DENND4C: variants seen among roughly 807,000 people sequenced by gnomAD.
The protein encoded by DENND4C is DENN domain-containing protein 4C.
Under a neutral mutation model 203.0 loss-of-function variants are expected in DENND4C, and 108 were observed. The ratio of observed to expected loss-of-function variants is 0.53; its 90% CI spans 0.46 to 0.62. DENND4C has a LOEUF of 0.62. Among genes scored for constraint, DENND4C ranks in the 20% least tolerant of loss-of-function variants. The pLI, the probability that DENND4C is intolerant of heterozygous loss-of-function variation, is 0.00. For synonymous variants in DENND4C, 871 were observed against 792.4 expected, an observed-to-expected ratio of 1.10 and a Z score of -1.67; for missense variants, 2,481 against 2,301.2, an observed-to-expected ratio of 1.08 and a Z score of -1.60.
rs540579002 is a variant in DENND4C at position 19,235,937 on chromosome 9, G to T, written c.-18+5104G>T. Reference sequence around the variant, plus strand: ...ATATATCTTTGTAATATTTTAATTTGTTTTTGTAATATTTAAAGGTTGTTC... The same window carrying T: ...ATATATCTTTGTAATATTTTAATTTTTTTTTGTAATATTTAAAGGTTGTTC... On this transcript the variant is annotated intron_variant, in intron 1 of 32. Coordinates refer to ENST00000434457, the MANE Select transcript of DENND4C (RefSeq NM_001330640.2). Among the ~76,000 whole-genome samples the T allele has an allele frequency of 4.6e-4, 69 of 151,142 alleles. 3 individuals carry two copies. In the South Asian group the frequency reaches 0.011, roughly 24 times the overall value.
chr9:19,311,257 G>A (rs1007366169), intron 10 of DENND4C, among the ~76,000 whole-genome samples: 4 of 152,038 alleles, frequency 2.6e-5, no homozygotes, highest in African/African-American at 9.7e-5. Flanking sequence ...CTGAGTAGCT[G>A]GGACCACAGG....
intron 2 of DENND4C, among the ~76,000 whole-genome samples, chr9:19,283,568 C>G (rs996089761): frequency 2.0e-5 from 3 of 150,314 alleles, no homozygotes; most frequent in African/African-American, 2.4e-5. Context: ...TTAAACAGGG[C>G]AGTATGTTAT....
Position 19,251,230 on chromosome 9 carries a change from A to G in DENND4C, c.-18+20397A>G, listed in dbSNP as rs150142170. ...ACTCACAGGCTTAACATCATGTGGAAGCTTCCAAGGCTTGGGGCTTGCACC... is the reference window on the plus strand; with the variant it reads ...ACTCACAGGCTTAACATCATGTGGAGGCTTCCAAGGCTTGGGGCTTGCACC... On this transcript the variant is annotated intron_variant, in intron 1 of 32. Coordinates refer to ENST00000434457, the MANE Select transcript of DENND4C (RefSeq NM_001330640.2). Among the ~76,000 whole-genome samples the G allele has an allele frequency of 2.6e-3, 392 of 152,380 alleles. 1 individual carries two copies. The highest frequency in any genetic ancestry group is 9.3e-3 in the African/African-American group (385 of 41,594).
chr9:19,296,236 C>T lies in DENND4C; in HGVS notation c.1030C>T (p.Pro344Ser). The stretch of plus-strand genomic sequence containing the variant: ...TTCTGTGTCTGGACCACATCCTCTT[C>T]CCATTGAAAAGTATGTATAATGATT... ...KLSVSGPHPLPIEKHISHFMQ... is the reference protein window; with the variant it reads ...KLSVSGPHPLSIEKHISHFMQ... Residue 344 changes from proline to serine, a missense_variant, in exon 6 of 33, where the codon CCC (proline) becomes TCC (serine). Coordinates refer to ENST00000434457, the MANE Select transcript of DENND4C (RefSeq NM_001330640.2). 6.2e-7 allele frequency: 1 copy of T among 1,601,360 alleles called. No individual in the cohort carries two copies. The highest frequency in any genetic ancestry group is 8.6e-7 in the Non-Finnish European group (1 of 1,169,216).
intron 13 of DENND4C, among the ~76,000 whole-genome samples, chr9:19,325,649 T>C (rs1817663117): frequency 6.6e-6 from 1 of 152,206 alleles, no homozygotes; most frequent in Non-Finnish European, 1.5e-5. Flanking sequence ...AGGGGCTTAA[T>C]AATAATGAAA....
intron 1 of DENND4C, among the ~76,000 whole-genome samples, chr9:19,248,171 T>G (rs1825729635): frequency 6.6e-6 from 1 of 152,182 alleles, no homozygotes; most frequent in Non-Finnish European, 1.5e-5. Flanking sequence ...AGACCTAGTC[T>G]TAGCCTAAAA....
intron 10 of DENND4C, among the ~76,000 whole-genome samples, chr9:19,307,968 TTAATC>T: frequency 6.6e-6 from 1 of 152,046 alleles, no homozygotes; most frequent in Middle Eastern, 3.4e-3. Context: ...TATATATATA[TTAATC>T]TAAATAAAAT....
chr9:19,312,751 T>A (rs1239206000), intron 10 of DENND4C, among the ~76,000 whole-genome samples: 1 of 152,186 alleles, frequency 6.6e-6, no homozygotes, highest in Admixed American at 6.6e-5. Context: ...TGAGGGACAC[T>A]CAAGTTCAAA....
intron 31 of DENND4C, among the ~76,000 whole-genome samples, chr9:19,370,746 A>G (rs1828677508): frequency 6.6e-6 from 1 of 152,224 alleles, no homozygotes; most frequent in South Asian, 2.1e-4. Context: ...ATTGTCTGCT[A>G]ATATGCTCAG....
At chr9:19,255,253 A>G (rs1311117600) in intron 1 of DENND4C, among the ~76,000 whole-genome samples, 3 of 151,908 alleles carry the variant, frequency 2.0e-5, no homozygotes, top group Non-Finnish European at 4.4e-5. Context: ...AAGTTAGAAA[A>G]AATTAGCTGG....
At chr9:19,322,781 T>C (rs943525125) in intron 12 of DENND4C, among the ~76,000 whole-genome samples, 1 of 149,720 alleles carries the variant, frequency 6.7e-6, no homozygotes, top group Non-Finnish European at 1.5e-5. Flanking sequence ...GAGATTTCCA[T>C]GAGCCTTCCC....
intron 5 of DENND4C, among the ~76,000 whole-genome samples, chr9:19,295,766 T>C (rs146448198): frequency 6.6e-6 from 1 of 152,244 alleles, no homozygotes; most frequent in East Asian, 1.9e-4. Flanking sequence ...TGTAAGAGGT[T>C]ACCATCCATT....
intron 2 of DENND4C, among the ~76,000 whole-genome samples, chr9:19,278,105 T>A (rs1833270677): frequency 6.8e-6 from 1 of 146,846 alleles, no homozygotes; most frequent in Non-Finnish European, 1.5e-5. Context: ...ACTTGGTTGC[T>A]GGTTGTTCTC....
At chr9:19,249,687 G>T (rs1415545813) in intron 1 of DENND4C, among the ~76,000 whole-genome samples, 1 of 152,168 alleles carries the variant, frequency 6.6e-6, no homozygotes, top group Non-Finnish European at 1.5e-5. Flanking sequence ...TTCATTTTAT[G>T]TGTGTGTGTT....
chr9:19,352,054 G>A lies in DENND4C; in HGVS notation c.4496-19G>A, dbSNP rs1275683917. The A allele has an allele frequency of 3.2e-6, 5 of 1,581,958 alleles. No homozygotes were observed. Among genetic ancestry groups the A allele is most frequent in the East Asian group, 2.2e-5 (1 of 44,608 alleles). ...GGACATTCCTTACTTAAGGTATTAC[G>A]ATGTATATTCCTTTGTAGGTGAAGT... On this transcript the variant is annotated intron_variant, in intron 24 of 32. Coordinates refer to ENST00000434457, the MANE Select transcript of DENND4C (RefSeq NM_001330640.2).
At chr9:19,307,427 C>T (rs1330652299) in intron 10 of DENND4C, among the ~76,000 whole-genome samples, 4 of 149,702 alleles carry the variant, frequency 2.7e-5, no homozygotes, top group African/African-American at 9.8e-5. Flanking sequence ...GAAATACCTC[C>T]AAATTATACA....
In DENND4C at chr9:19,326,346, A is replaced by G. The variant is rs1297951015; in HGVS notation, c.2120+152A>G. 9.2e-6 allele frequency: 7 copies of G among 761,882 alleles called. No homozygotes were observed. In the African/African-American group the frequency reaches 9.2e-5, roughly 10 times the overall value. 47.2% of individuals were successfully genotyped at this position (761,882 alleles called of 1,614,324 possible). ...ATAAATATTTTATGGAAATGCCACT[A>G]GGTGTTATAATTTAAGAATTGGATG... On this transcript the variant is annotated intron_variant, in intron 15 of 32. Coordinates refer to ENST00000434457, the MANE Select transcript of DENND4C (RefSeq NM_001330640.2).
intron 9 of DENND4C, among the ~76,000 whole-genome samples, chr9:19,302,243 C>A (rs920261180): frequency 6.6e-6 from 1 of 152,074 alleles, no homozygotes; most frequent in Non-Finnish European, 1.5e-5. Context: ...ACAAATGCAT[C>A]AAAAGGAGAA....
chr9:19,272,105 T>A (rs1458812977), intron 1 of DENND4C, among the ~76,000 whole-genome samples: 4 of 149,220 alleles, frequency 2.7e-5, no homozygotes, highest in African/African-American at 9.9e-5. Flanking sequence ...AAGGATAGTA[T>A]TTTTTTTTTC....
Sources: gnomAD v4.1 joint callset for allele counts (sites outside exome capture counted in the v4.1 genomes callset) on GRCh38, gnomAD v4.1.1 for gene constraint, MANE v1.5 for transcripts, NCBI Gene and HGNC (gene_info 2026-07-23, HGNC 2026-07-21) for gene names.